GRIK4: variants seen among roughly 807,000 people sequenced by gnomAD.
GRIK4 encodes the protein glutamate ionotropic receptor kainate type subunit 4, also known as glutamate receptor ionotropic, kainate 4.
A neutral mutation model predicts 104.9 loss-of-function variants in GRIK4; 40 were observed. That is an observed-to-expected ratio of 0.38 (90% CI 0.30 to 0.50). The LOEUF is 0.50. Ranked by LOEUF, GRIK4 falls within the 20% of genes least tolerant of loss-of-function variation. The probability of loss-of-function intolerance (pLI) is 0.93; values close to 1 mark genes in which losing one functional copy is unlikely to be tolerated. For synonymous variants in GRIK4, 485 were observed against 524.9 expected, an observed-to-expected ratio of 0.92 and a Z score of 1.04; for missense variants, 1,047 against 1,308.1, an observed-to-expected ratio of 0.80 and a Z score of 3.08.
At chr11:120,669,218 G>C (rs907703604) in intron 3 of GRIK4, among the ~76,000 whole-genome samples, 5 of 152,142 alleles carry the variant, frequency 3.3e-5, no homozygotes, top group African/African-American at 1.2e-4. Context: ...CCCCATTTCT[G>C]TGCAGCATTT....
chr11:120,659,419 G>T (rs1949774943), intron 2 of GRIK4, among the ~76,000 whole-genome samples: 1 of 152,216 alleles, frequency 6.6e-6, no homozygotes, highest in African/African-American at 2.4e-5. Context: ...CATTTATGTA[G>T]CACCTCATTT....
intron 8 of GRIK4, among the ~76,000 whole-genome samples, chr11:120,847,825 A>G (rs1441899144): frequency 2.6e-5 from 4 of 152,214 alleles, no homozygotes; most frequent in African/African-American, 9.7e-5. Context: ...TGCCTGTCCC[A>G]GGCTAAATAT....
intron 1 of GRIK4, among the ~76,000 whole-genome samples, chr11:120,615,414 A>C (rs966474390): frequency 6.6e-6 from 1 of 152,232 alleles, no homozygotes; most frequent in South Asian, 2.1e-4. Flanking sequence ...ATTATGCCCC[A>C]AAAATATGGA....
intron 3 of GRIK4, among the ~76,000 whole-genome samples, chr11:120,730,917 C>A (rs1951116501): frequency 6.6e-6 from 1 of 152,122 alleles, no homozygotes; most frequent in African/African-American, 2.4e-5. Flanking sequence ...GATTTTGTAT[C>A]CTGCAACTTT....
At chr11:120,974,568 G>A (rs1215453868) in intron 19 of GRIK4, among the ~76,000 whole-genome samples, 3 of 152,216 alleles carry the variant, frequency 2.0e-5, no homozygotes, top group Non-Finnish European at 4.4e-5. Context: ...AGGAACTGGT[G>A]CTTACCCCAC....
rs1944149597 is a variant in GRIK4, at chr11:120,956,387, T to C, written c.1701-393T>C. On this transcript the variant is annotated intron_variant, in intron 15 of 20. Transcript: ENST00000527524. This position sits in a 1 kb window ranked among gnomAD's most constrained non-coding sequence, Gnocchi z 4.6. ...TGGCTAATTTTTTTGTATTTTTTAG[T>C]AGAGACGGGTTTTCGCTGTGTTGCC... Among the ~76,000 whole-genome samples, 1 of 152,046 alleles carries C rather than the reference T, an allele frequency of 6.6e-6. No individual in the cohort carries two copies. Among genetic ancestry groups the C allele is most frequent in the South Asian group, 2.1e-4 (1 of 4,830 alleles).
intron 6 of GRIK4, among the ~76,000 whole-genome samples, chr11:120,831,403 C>G (rs1282353266): frequency 6.6e-6 from 1 of 152,224 alleles, no homozygotes; most frequent in Non-Finnish European, 1.5e-5. Flanking sequence ...TGTGATAATT[C>G]TAACTTCTCA....
At chr11:120,616,438 G>T (rs925954631) in intron 1 of GRIK4, among the ~76,000 whole-genome samples, 1 of 152,212 alleles carries the variant, frequency 6.6e-6, no homozygotes, top group Non-Finnish European at 1.5e-5. Context: ...TTTCAAATTG[G>T]CCGTGACAGA....
rs765466933 is a variant in GRIK4, at chr11:120,986,284, G to T, written c.*24G>T. On this transcript the variant is annotated 3_prime_UTR_variant, in exon 21 of 21. Transcript: ENST00000527524. ...AGTCCCGGAGGCCACAGGACGCGCAGAGGCCGGGCGGGGCGGGAGGGGAGG... is the reference window on the plus strand; with the variant it reads ...AGTCCCGGAGGCCACAGGACGCGCATAGGCCGGGCGGGGCGGGAGGGGAGG... The T allele has an allele frequency of 6.7e-7, 1 of 1,495,612 alleles. No individual in the cohort carries two copies. The highest frequency in any genetic ancestry group is 8.8e-7 in the Non-Finnish European group (1 of 1,132,900). The allele number at this position is 1,495,612 out of a possible 1,614,324, so 92.6% of individuals were successfully genotyped here.
chr11:120,519,012 A>G (rs1348051777), intron 1 of GRIK4, among the ~76,000 whole-genome samples: 1 of 152,206 alleles, frequency 6.6e-6, no homozygotes, highest in Non-Finnish European at 1.5e-5. Flanking sequence ...TCCAGTTGCA[A>G]CATCCAAACA....
chr11:120,759,355 T>G (rs1489489978), intron 3 of GRIK4, among the ~76,000 whole-genome samples: 3 of 152,170 alleles, frequency 2.0e-5, no homozygotes, highest in Non-Finnish European at 4.4e-5. Flanking sequence ...CTGTCAGCAT[T>G]GTTTGTCCTG....
At chr11:120,573,152 T>C (rs1329029098) in intron 1 of GRIK4, among the ~76,000 whole-genome samples, 1 of 152,184 alleles carries the variant, frequency 6.6e-6, no homozygotes, top group Non-Finnish European at 1.5e-5. Flanking sequence ...GTGTCCTGGG[T>C]ATTTCACTGC....
chr11:120,815,732 T>G (rs1392137811), intron 5 of GRIK4, among the ~76,000 whole-genome samples: 4 of 151,952 alleles, frequency 2.6e-5, no homozygotes, highest in Non-Finnish European at 5.9e-5. Flanking sequence ...CCCATGGCGG[T>G]GCCCCCAGCG....
At chr11:120,539,518 AG>A (rs1193719110) in intron 1 of GRIK4, among the ~76,000 whole-genome samples, 1 of 152,196 alleles carries the variant, frequency 6.6e-6, no homozygotes, top group East Asian at 1.9e-4. Context: ...TGCTCTTCCC[AG>A]GACACACAGC....
rs1948120661 is a variant in GRIK4, at chr11:120,549,675, G to A, written c.-159+37788G>A. 6.6e-6 allele frequency among the ~76,000 whole-genome samples: 1 copy of A among 152,242 alleles called. No individual in the cohort carries two copies. The highest frequency in any genetic ancestry group is 1.5e-5 in the Non-Finnish European group (1 of 68,042). On this transcript the variant is annotated intron_variant, in intron 1 of 20. Coordinates refer to ENST00000527524, the MANE Select transcript of GRIK4 (RefSeq NM_014619.5). The surrounding 1 kb of genome is among the most constrained non-coding windows in gnomAD (Gnocchi z 4.7). ...GCCTGGGACAAGACAAGCAGAGGCT[G>A]AGGGCGGGTCGTGGGCCCCTGGGAG... is the stretch of plus-strand genomic sequence containing the variant.
chr11:120,971,765 T>C (rs990758236), intron 19 of GRIK4, among the ~76,000 whole-genome samples: 9 of 152,230 alleles, frequency 5.9e-5, no homozygotes, highest in Admixed American at 6.5e-5. Context: ...TAAGGGCACA[T>C]GGCCTGGACC....
Position 120,513,307 on chromosome 11 carries a change from G to A in GRIK4, c.-159+1420G>A, listed in dbSNP as rs1004069341. Among the ~76,000 whole-genome samples the A allele has an allele frequency of 5.9e-5, 9 of 152,172 alleles. No homozygotes were observed. The highest frequency in any genetic ancestry group is 1.7e-4 in the African/African-American group (7 of 41,442). Reference sequence around the variant, plus strand: ...CTAGGAGCACCGGGAAACTGCGGGCGTGGTATCTCCGGGGAGAGAGGCCGC... The same window carrying A: ...CTAGGAGCACCGGGAAACTGCGGGCATGGTATCTCCGGGGAGAGAGGCCGC... On this transcript the variant is annotated intron_variant, in intron 1 of 20. Coordinates refer to ENST00000527524, the MANE Select transcript of GRIK4 (RefSeq NM_014619.5). The surrounding 1 kb of genome is among the most constrained non-coding windows in gnomAD (Gnocchi z 4.5).
chr11:120,611,043 CTTTGAT>C (rs1949031658), intron 1 of GRIK4, among the ~76,000 whole-genome samples: 1 of 152,196 alleles, frequency 6.6e-6, no homozygotes, highest in Non-Finnish European at 1.5e-5. Context: ...GCGGACAAGA[CTTTGAT>C]TTGGATTGAC....
chr11:120,936,026 A>G (rs112916898), intron 13 of GRIK4: 261 of 208,520 alleles, frequency 1.3e-3, no homozygotes, highest in African/African-American at 5.4e-3. Context: ...TCTAGAACCA[A>G]CTTCGTCATC....
Sources: gnomAD v4.1 joint callset for allele counts (sites outside exome capture counted in the v4.1 genomes callset) on GRCh38, gnomAD v4.1.1 for gene constraint, Gnocchi (gnomAD v3.1) non-coding constraint, MANE v1.5 for transcripts, NCBI Gene and HGNC (gene_info 2026-07-23, HGNC 2026-07-21) for gene names.